STK3: variants seen among roughly 807,000 people sequenced by gnomAD.
STK3 encodes the protein serine/threonine kinase 3, also known as serine/threonine-protein kinase 3.
In STK3, 41 loss-of-function variants were observed where a neutral mutation model predicts 58.0. The ratio of observed to expected loss-of-function variants is 0.71; its 90% CI spans 0.55 to 0.92. The LOEUF (loss-of-function observed/expected upper bound fraction) is 0.92. Among genes scored for constraint, STK3 ranks in the 40% least tolerant of loss-of-function variants. The pLI is 0.00. For synonymous variants in STK3, 170 were observed against 191.0 expected, an observed-to-expected ratio of 0.89 and a Z score of 0.91; for missense variants, 479 against 602.7, an observed-to-expected ratio of 0.79 and a Z score of 2.15.
chr8:98,661,268 T>C (rs1485810913), intron 6 of STK3, among the ~76,000 whole-genome samples: 2 of 152,158 alleles, frequency 1.3e-5, no homozygotes, highest in Non-Finnish European at 2.9e-5. Context: ...AGGAAATGCT[T>C]CAAAACAAAT....
rs1406577398 is a variant in STK3 at position 98,375,011 on chromosome 8, G to A, written n.112-3333C>T. On this transcript the variant is annotated intron_variant and non_coding_transcript_variant, in intron 2 of 2. Coordinates refer to the STK3 transcript ENST00000518704. ...TCCCAGCACTTTGGGAGGCCAAGGT[G>A]GGAGGATCACTGGAGCCGAGGAGTT... Among the ~76,000 whole-genome samples the A allele has an allele frequency of 1.8e-4, 27 of 152,016 alleles. 1 individual carries two copies. Among genetic ancestry groups the A allele is most frequent in the Admixed American group, 1.8e-3 (27 of 15,270 alleles).
chr8:98,697,209 T>C lies in STK3; in HGVS notation c.684+9258A>G, dbSNP rs572494345. 4.1e-4 allele frequency among the ~76,000 whole-genome samples: 62 copies of C among 152,364 alleles called. 1 individual carries two copies. Among genetic ancestry groups the C allele is most frequent in the African/African-American group, 1.3e-3 (52 of 41,586 alleles). ...CTGTGGGATTGGTGGTGATTTCACC[T>C]TTATCATTTTTTATTGTGTCTATTT... On this transcript the variant is annotated intron_variant, in intron 6 of 10. Coordinates refer to ENST00000419617, the MANE Select transcript of STK3 (RefSeq NM_006281.4).
At chr8:98,393,634 G>C (rs1372369155) in intron 3 of STK3, 1 of 152,078 alleles carries the variant, frequency 6.6e-6, no homozygotes, top group Non-Finnish European at 1.5e-5. Flanking sequence ...TAGTCTGCTA[G>C]AGGATAAGAG....
At chr8:98,653,266 G>C (rs1456144391) in intron 6 of STK3, among the ~76,000 whole-genome samples, 3 of 152,168 alleles carry the variant, frequency 2.0e-5, no homozygotes, top group African/African-American at 7.2e-5. Flanking sequence ...CAGAAATAAA[G>C]ACGTGCTTTG....
At chr8:98,654,525 GA>G (rs1312401714) in intron 6 of STK3, among the ~76,000 whole-genome samples, 3 of 152,144 alleles carry the variant, frequency 2.0e-5, no homozygotes, top group African/African-American at 7.2e-5. Flanking sequence ...ATTCAATTAG[GA>G]AAAGAGGAAG....
At chr8:98,571,595 T>A (rs1455504081) in intron 8 of STK3, among the ~76,000 whole-genome samples, 3 of 152,108 alleles carry the variant, frequency 2.0e-5, no homozygotes, top group Admixed American at 6.5e-5. Flanking sequence ...GTTCAGACCA[T>A]AAGAGGTCAC....
chr8:98,909,999 C>T (rs1399544504), intron 1 of STK3, among the ~76,000 whole-genome samples: 1 of 152,142 alleles, frequency 6.6e-6, no homozygotes, highest in Non-Finnish European at 1.5e-5. Flanking sequence ...CACATCCTCA[C>T]CAATATTCAT....
chr8:98,783,390 C>T (rs1587610582), intron 1 of STK3, among the ~76,000 whole-genome samples: 1 of 152,068 alleles, frequency 6.6e-6, no homozygotes, highest in East Asian at 1.9e-4. Flanking sequence ...TCTCATGTAC[C>T]CAATATATAC....
intron 8 of STK3, among the ~76,000 whole-genome samples, chr8:98,550,035 C>G (rs1200786496): frequency 2.6e-5 from 4 of 152,084 alleles, no homozygotes; most frequent in Admixed American, 1.3e-4. Flanking sequence ...AAAGAATCTG[C>G]TATTTAGAAA....
intron 10 of STK3, among the ~76,000 whole-genome samples, chr8:98,474,158 C>T (rs1319960987): frequency 3.3e-5 from 5 of 152,126 alleles, no homozygotes; most frequent in Admixed American, 2.0e-4. Context: ...TATGTCAAAT[C>T]GATGTCCTCC....
At chr8:98,484,055 A>G (rs895605245) in intron 10 of STK3, among the ~76,000 whole-genome samples, 2 of 85,866 alleles carry the variant, frequency 2.3e-5, no homozygotes, top group African/African-American at 8.1e-5. Flanking sequence ...GAGAAGATTT[A>G]GTTTCCCAAC....
intron 10 of STK3, among the ~76,000 whole-genome samples, chr8:98,466,910 G>A (rs1820510090): frequency 6.6e-6 from 1 of 152,058 alleles, no homozygotes; most frequent in Non-Finnish European, 1.5e-5. Context: ...GGGACTAGTG[G>A]GACCCAAGGA....
intron 1 of STK3, chr8:98,905,217 C>A: frequency 1.1e-6 from 1 of 927,248 alleles, no homozygotes; most frequent in South Asian, 1.3e-5. Context: ...AGTCCGAAGT[C>A]GGGCTTGTGG....
chr8:98,874,206 A>C (rs1479823650), intron 3 of STK3, among the ~76,000 whole-genome samples: 2 of 152,208 alleles, frequency 1.3e-5, no homozygotes, highest in Non-Finnish European at 2.9e-5. Flanking sequence ...TTCTGCCAAG[A>C]CATCCGCTGT....
At chr8:98,359,732 G>A in the STK3 span, among the ~76,000 whole-genome samples, 1 of 152,046 alleles carries the variant, frequency 6.6e-6, no homozygotes, top group Non-Finnish European at 1.5e-5. Context: ...ATCTTTCAGT[G>A]GCTCGCATAC....
upstream of STK3, among the ~76,000 whole-genome samples, chr8:98,830,560 A>G (rs1411464673): frequency 6.6e-6 from 1 of 152,254 alleles, no homozygotes; most frequent in African/African-American, 2.4e-5. Context: ...CCAGGAAGAA[A>G]GCATAGAAGT....
At chr8:98,823,653 C>T (rs1393200264) in intron 1 of STK3, among the ~76,000 whole-genome samples, 1 of 152,178 alleles carries the variant, frequency 6.6e-6, no homozygotes, top group Non-Finnish European at 1.5e-5. Context: ...AGTCGTGATA[C>T]ATAAATATTT....
chr8:98,929,102 C>T (rs1839915360), intron 1 of STK3, among the ~76,000 whole-genome samples: 1 of 151,952 alleles, frequency 6.6e-6, no homozygotes, highest in Non-Finnish European at 1.5e-5. Flanking sequence ...CCCGTCTCTA[C>T]TAAGAATACA....
chr8:98,738,809 A>G (rs1440583201), intron 4 of STK3, among the ~76,000 whole-genome samples: 4 of 152,182 alleles, frequency 2.6e-5, no homozygotes, highest in East Asian at 1.9e-4. Flanking sequence ...CGGGAAGCGC[A>G]AGGGGTTCAG....
Sources: gnomAD v4.1 joint callset for allele counts (sites outside exome capture counted in the v4.1 genomes callset) on GRCh38, gnomAD v4.1.1 for gene constraint, MANE v1.5 for transcripts, NCBI Gene and HGNC (gene_info 2026-07-23, HGNC 2026-07-21) for gene names.